Variants in GPC5 observed in about 807,000 individuals in gnomAD.
GPC5 encodes the protein glypican-5.
In GPC5, 47 loss-of-function variants were observed where a neutral mutation model predicts 53.9. That is an observed-to-expected ratio of 0.87 (90% CI 0.69 to 1.11). The LOEUF (loss-of-function observed/expected upper bound fraction) is 1.11, where lower values mean the gene tolerates loss of function less well. GPC5 is among the 50% of genes most tolerant of loss of function. The pLI, the probability that GPC5 is intolerant of heterozygous loss-of-function variation, is 0.00. For missense variants in GPC5, 748 were observed against 713.1 expected, an observed-to-expected ratio of 1.05 and a Z score of -0.56; for synonymous variants, 286 against 263.3, an observed-to-expected ratio of 1.09 and a Z score of -0.84.
chr13:91,781,350 G>A (rs1238713227), intron 5 of GPC5, among the ~76,000 whole-genome samples: 1 of 152,196 alleles, frequency 6.6e-6, no homozygotes, highest in African/African-American at 2.4e-5. Context: ...TGCGTATGCT[G>A]TACTGAGAAT....
At chr13:92,527,730 C>T (rs534545476) in intron 7 of GPC5, among the ~76,000 whole-genome samples, 3 of 152,188 alleles carry the variant, frequency 2.0e-5, no homozygotes, top group East Asian at 1.9e-4. Context: ...AAGACACTTT[C>T]GAACAGCCTT....
chr13:91,712,540 T>C (rs1306099107), intron 3 of GPC5, among the ~76,000 whole-genome samples: 1 of 152,146 alleles, frequency 6.6e-6, no homozygotes, highest in East Asian at 1.9e-4. Context: ...CAACAAACAA[T>C]ATAATCTATG....
chr13:92,597,476 T>A (rs75746877), intron 7 of GPC5, among the ~76,000 whole-genome samples: 145 of 152,180 alleles, frequency 9.5e-4, no homozygotes, highest in African/African-American at 3.4e-3. Flanking sequence ...AGTGTTGAGT[T>A]TATCAAGTAA....
At chr13:92,743,381 C>T (rs1248042955) in intron 7 of GPC5, among the ~76,000 whole-genome samples, 2 of 151,480 alleles carry the variant, frequency 1.3e-5, no homozygotes, top group Admixed American at 6.6e-5. Flanking sequence ...ATTTGGCTCT[C>T]TGTTTGTCTG....
intron 7 of GPC5, among the ~76,000 whole-genome samples, chr13:92,457,661 G>A (rs962656759): frequency 6.6e-5 from 10 of 152,082 alleles, no homozygotes; most frequent in African/African-American, 1.7e-4. Context: ...TGTGTATCTC[G>A]CTAGCTCAAA....
intron 7 of GPC5, among the ~76,000 whole-genome samples, chr13:92,433,794 A>T (rs113956243): frequency 2.6e-5 from 4 of 152,274 alleles, no homozygotes; most frequent in African/African-American, 9.6e-5. Context: ...TGGAAAAAGT[A>T]AGAGAAAGAA....
intron 7 of GPC5, among the ~76,000 whole-genome samples, chr13:92,239,176 A>C (rs531511831): frequency 6.8e-6 from 1 of 147,748 alleles, no homozygotes; most frequent in African/African-American, 2.5e-5. Flanking sequence ...TCAAGATTCT[A>C]CTGGCTTATT....
intron 5 of GPC5, among the ~76,000 whole-genome samples, chr13:91,811,908 A>G (rs181450529): frequency 3.6e-4 from 55 of 152,340 alleles, no homozygotes; most frequent in African/African-American, 1.3e-3. Context: ...AGATCTAAAT[A>G]CACTTCAACA....
intron 7 of GPC5, among the ~76,000 whole-genome samples, chr13:92,188,237 A>G (rs537118355): frequency 6.6e-6 from 1 of 152,308 alleles, no homozygotes; most frequent in Non-Finnish European, 1.5e-5. Flanking sequence ...TGCAGTTCCA[A>G]ATGTATTGTT....
chr13:92,433,836 C>T lies in GPC5; in HGVS notation c.1561+288847C>T, dbSNP rs775751466. On this transcript the variant is annotated intron_variant, in intron 7 of 7. Coordinates refer to ENST00000377067, the MANE Select transcript of GPC5 (RefSeq NM_004466.6). ...TGGGTACAGAAAACGGTGACACCTA[C>T]CTCTAGGTCCTAAAGAAGATAAGAT... Among the ~76,000 whole-genome samples the T allele has an allele frequency of 9.5e-4, 145 of 152,040 alleles. 1 individual carries two copies. The highest frequency in any genetic ancestry group is 1.6e-3 in the Non-Finnish European group (109 of 68,002).
intron 7 of GPC5, among the ~76,000 whole-genome samples, chr13:92,155,289 T>C (rs2041935644): frequency 6.6e-6 from 1 of 152,152 alleles, no homozygotes. Context: ...TCTGGTAGAA[T>C]GCATTAGTGG....
rs1594470081 is a variant in GPC5, at chr13:92,741,393, A to G, written c.1562-124889A>G. On this transcript the variant is annotated intron_variant, in intron 7 of 7. Transcript: ENST00000377067. ...GCTCTGAGCTTTCCTGGGACTCTGC[A>G]GAGAGTCCCCATGAACAAGGAGGCT... is the stretch of plus-strand genomic sequence containing the variant. Among the ~76,000 whole-genome samples the G allele has an allele frequency of 2.0e-5, 3 of 152,052 alleles. No homozygotes were observed. In the East Asian group the frequency reaches 5.9e-4, roughly 30 times the overall value.
intron 7 of GPC5, among the ~76,000 whole-genome samples, chr13:92,503,478 G>C (rs1880261045): frequency 6.6e-6 from 1 of 151,426 alleles, no homozygotes; most frequent in South Asian, 2.1e-4. Flanking sequence ...GATTATCTAA[G>C]ATTCCATCTA....
At chr13:91,639,973 T>C (rs1430760953) in intron 2 of GPC5, among the ~76,000 whole-genome samples, 3 of 152,186 alleles carry the variant, frequency 2.0e-5, no homozygotes, top group Non-Finnish European at 4.4e-5. Context: ...TTATTCACTA[T>C]GTCAAGTTGT....
intron 7 of GPC5, among the ~76,000 whole-genome samples, chr13:92,820,916 A>G (rs1258059978): frequency 6.6e-6 from 1 of 152,182 alleles, no homozygotes; most frequent in African/African-American, 2.4e-5. Flanking sequence ...AAAAACAGTG[A>G]CGAAACTGCC....
intron 7 of GPC5, among the ~76,000 whole-genome samples, chr13:92,735,275 A>T (rs1291678409): frequency 6.6e-6 from 1 of 151,942 alleles, no homozygotes; most frequent in Non-Finnish European, 1.5e-5. Context: ...TCATCACAAC[A>T]TCATCTCCAT....
At chr13:91,683,887 T>C (rs1235559972) in intron 2 of GPC5, among the ~76,000 whole-genome samples, 1 of 152,230 alleles carries the variant, frequency 6.6e-6, no homozygotes, top group African/African-American at 2.4e-5. Flanking sequence ...GCTTCCATTA[T>C]AGCAAACATT....
intron 2 of GPC5, among the ~76,000 whole-genome samples, chr13:91,513,358 G>A (rs1885335206): frequency 6.7e-6 from 1 of 149,284 alleles, no homozygotes; most frequent in Admixed American, 6.6e-5. Flanking sequence ...TTTCATTTGT[G>A]TGTGTGTGTG....
chr13:92,081,227 G>A (rs1204177854), intron 6 of GPC5, among the ~76,000 whole-genome samples: 3 of 152,050 alleles, frequency 2.0e-5, no homozygotes, highest in Non-Finnish European at 4.4e-5. Flanking sequence ...TCAGTCTTAT[G>A]AGTAGCTGGG....
Sources: gnomAD v4.1 joint callset for allele counts (sites outside exome capture counted in the v4.1 genomes callset) on GRCh38, gnomAD v4.1.1 for gene constraint, MANE v1.5 for transcripts, NCBI Gene and HGNC (gene_info 2026-07-23, HGNC 2026-07-21) for gene names.